Variants in UBAP1 observed in about 807,000 individuals in gnomAD.
The protein encoded by UBAP1 is ubiquitin associated protein 1.
UBAP1 carries 5 observed loss-of-function variants against 39.0 expected under a neutral mutation model. The ratio of observed to expected loss-of-function variants is 0.13; its 90% CI spans 0.07 to 0.27. The LOEUF is 0.27. UBAP1 is among the 10% of genes least tolerant of loss of function. The probability of loss-of-function intolerance (pLI) is 1.00; values close to 1 mark genes in which losing one functional copy is unlikely to be tolerated. For synonymous variants in UBAP1, 211 were observed against 225.1 expected (o/e 0.94, Z 0.56); for missense variants, 490 against 608.1 (o/e 0.81, Z 2.04).
chr9:34,199,608 CCT>C (rs1202749559), intron 1 of UBAP1, among the ~76,000 whole-genome samples: 1 of 147,594 alleles, frequency 6.8e-6, no homozygotes. Flanking sequence ...TTAGATTTCC[CCT>C]GTTTTTCTTT....
chr9:34,220,261 C>T (rs1022834828), intron 1 of UBAP1, among the ~76,000 whole-genome samples: 2 of 142,622 alleles, frequency 1.4e-5, no homozygotes, highest in African/African-American at 5.3e-5. Context: ...AAGTGATCAT[C>T]TCACATCAGC....
chr9:34,234,003 G>A (rs2131607129), intron 2 of UBAP1, among the ~76,000 whole-genome samples: 1 of 152,264 alleles, frequency 6.6e-6, no homozygotes, highest in Middle Eastern at 3.4e-3. Context: ...TACACTAAGT[G>A]CCATTGAAAA....
At chr9:34,220,169 C>T (rs1286480501) in intron 1 of UBAP1, among the ~76,000 whole-genome samples, 1 of 67,594 alleles carries the variant, frequency 1.5e-5, no homozygotes, top group Non-Finnish European at 2.8e-5. Context: ...CCTCTCTTTT[C>T]TTAGACAGGG....
intron 1 of UBAP1, among the ~76,000 whole-genome samples, chr9:34,202,101 C>T (rs1398346461): frequency 6.6e-6 from 1 of 152,084 alleles, no homozygotes; most frequent in African/African-American, 2.4e-5. Context: ...CAAATCCAGT[C>T]CTCTTGAGTT....
chr9:34,251,769 T>C lies in UBAP1; in HGVS notation c.*237T>C. On this transcript the variant is annotated 3_prime_UTR_variant, in exon 7 of 7. Transcript: ENST00000297661. ...CTGGCTCCTTCCGTATTAAACGCAT[T>C]TGCATTTTGAGAAGTGTCCTTCCCA... is the stretch of plus-strand genomic sequence containing the variant. 2 of 484,768 alleles carry C rather than the reference T, an allele frequency of 4.1e-6. No individual in the cohort carries two copies. The highest frequency in any genetic ancestry group is 7.4e-6 in the Non-Finnish European group (2 of 271,616). 30.0% of individuals were successfully genotyped at this position (484,768 alleles called of 1,614,324 possible).
At chr9:34,186,835 A>C (rs753574014) in intron 1 of UBAP1, among the ~76,000 whole-genome samples, 4 of 152,036 alleles carry the variant, frequency 2.6e-5, no homozygotes, top group Non-Finnish European at 5.9e-5. Context: ...TCTTCTGGTG[A>C]GAAAAGCTCC....
At position 34,251,692 on chromosome 9, in the gene UBAP1, T is replaced by G. The variant is rs1006573280; in HGVS notation, c.*160T>G. ...CGCCAGTCTCTGTGAGCCTAGGCCC[T>G]GAGCTGGGGAGGTGGGGAAGATTCG... On this transcript the variant is annotated 3_prime_UTR_variant, in exon 7 of 7. Transcript: ENST00000297661. 14 of 783,532 alleles carry G rather than the reference T, an allele frequency of 1.8e-5. No homozygotes were observed. In the African/African-American group the frequency reaches 2.4e-4, roughly 14 times the overall value. The allele number at this position is 783,532 out of a possible 1,614,324, so 48.5% of individuals were successfully genotyped here.
chr9:34,210,895 T>G (rs563464591), intron 1 of UBAP1, among the ~76,000 whole-genome samples: 1 of 152,204 alleles, frequency 6.6e-6, no homozygotes, highest in South Asian at 2.1e-4. Flanking sequence ...GTGGAGCTCT[T>G]TCTGCATGTC....
intron 1 of UBAP1, among the ~76,000 whole-genome samples, chr9:34,217,160 A>T (rs1832371131): frequency 6.6e-6 from 1 of 152,106 alleles, no homozygotes; most frequent in South Asian, 2.1e-4. Flanking sequence ...CTTTGAGAGG[A>T]TGCCATCAGC....
intron 2 of UBAP1, among the ~76,000 whole-genome samples, chr9:34,225,952 T>C (rs1434263977): frequency 6.6e-6 from 1 of 152,120 alleles, no homozygotes; most frequent in Admixed American, 6.5e-5. Flanking sequence ...TAAATCACTT[T>C]ATCGAGGTAT....
At chr9:34,229,082 A>G (rs1236508716) in intron 2 of UBAP1, among the ~76,000 whole-genome samples, 2 of 152,078 alleles carry the variant, frequency 1.3e-5, no homozygotes, top group African/African-American at 4.8e-5. Flanking sequence ...GATACCTGCA[A>G]TTGGTGCTAG....
chr9:34,182,671 C>CTTTCTTTCTTTCTTTCTTTCTCT (rs1830139983), intron 1 of UBAP1, among the ~76,000 whole-genome samples: 16 of 88,010 alleles, frequency 1.8e-4, no homozygotes, highest in South Asian at 8.8e-4. Context: ...TTCTTTCTTT[C>CTTTCTTTCTTTCTTTCTTTCTCT]TTTCTTTCTT....
intron 2 of UBAP1, chr9:34,224,755 C>T (rs1832958815): frequency 1.8e-5 from 4 of 216,860 alleles, no homozygotes; most frequent in Non-Finnish European, 3.6e-5. Flanking sequence ...GGCAATTGTG[C>T]AGGCATGTGA....
chr9:34,237,166 G>A (rs1188416154), intron 3 of UBAP1, among the ~76,000 whole-genome samples: 1 of 152,108 alleles, frequency 6.6e-6, no homozygotes, highest in African/African-American at 2.4e-5. Context: ...AAATAGCCCT[G>A]TGTTACTTAC....
At chr9:34,214,814 C>T (rs1231301503) in intron 1 of UBAP1, among the ~76,000 whole-genome samples, 2 of 152,066 alleles carry the variant, frequency 1.3e-5, no homozygotes, top group African/African-American at 4.8e-5. Flanking sequence ...AAAAAGTGGG[C>T]TAAGGACATG....
intron 1 of UBAP1, among the ~76,000 whole-genome samples, chr9:34,196,138 T>A (rs1831041624): frequency 6.6e-6 from 1 of 150,822 alleles, no homozygotes; most frequent in Admixed American, 6.6e-5. Flanking sequence ...TGGCTTTTTA[T>A]TTATTTATTT....
intron 1 of UBAP1, among the ~76,000 whole-genome samples, chr9:34,204,277 A>G (rs1434552851): frequency 6.6e-6 from 1 of 152,260 alleles, no homozygotes; most frequent in Non-Finnish European, 1.5e-5. Context: ...CGACAGAGCA[A>G]GACTCTGTCT....
chr9:34,247,284 T>C (rs1478602601), intron 4 of UBAP1, among the ~76,000 whole-genome samples: 1 of 152,230 alleles, frequency 6.6e-6, no homozygotes, highest in Non-Finnish European at 1.5e-5. Flanking sequence ...TTATTTTGTT[T>C]GTCCCTGTTC....
rs1324197392 is a variant in UBAP1, at chr9:34,231,978, A to G, written c.35-2238A>G. Among the ~76,000 whole-genome samples the G allele has an allele frequency of 3.3e-5, 5 of 152,118 alleles. No homozygotes were observed. The East Asian group carries it at 7.8e-4, about 24-fold the overall frequency. On this transcript the variant is annotated intron_variant, in intron 2 of 6. Coordinates refer to ENST00000297661, the MANE Select transcript of UBAP1 (RefSeq NM_016525.5). ...GACTCTCTGAAGGGAGGTTAAGGAA[A>G]TGAACTATTAACAATACAAAGAGGT...
Sources: allele counts gnomAD v4.1 joint callset (sites outside exome capture counted in the v4.1 genomes callset), GRCh38; gene constraint gnomAD v4.1.1; transcripts MANE v1.5; gene names NCBI Gene and HGNC (gene_info 2026-07-23, HGNC 2026-07-21).